The following EVC2 variants were observed in gnomAD, a reference collection of about 807,000 sequenced individuals.
The protein encoded by EVC2 is EvC ciliary complex subunit 2.
EVC2 carries 148 observed loss-of-function variants against 149.3 expected under a neutral mutation model. The observed-to-expected ratio is 0.99, with a 90% CI of 0.87 to 1.14. The LOEUF (loss-of-function observed/expected upper bound fraction) is 1.14. Ranked by LOEUF, EVC2 falls within the 50% of genes most tolerant of loss-of-function variation. EVC2 has a pLI of 0.00. For synonymous variants in EVC2, 776 were observed against 649.9 expected, an observed-to-expected ratio of 1.19 and a Z score of -2.95; for missense variants, 1,854 against 1,627.3, an observed-to-expected ratio of 1.14 and a Z score of -2.40.
At chr4:5,542,582 G>C (rs1472450551), downstream of EVC2, among the ~76,000 whole-genome samples, 1 of 152,198 alleles carries the variant, frequency 6.6e-6, no homozygotes, top group Non-Finnish European at 1.5e-5. Context: ...TCATGGAGTA[G>C]ACTGCCCAGG....
At chr4:5,678,388 G>A (rs1476261715) in intron 7 of EVC2, among the ~76,000 whole-genome samples, 1 of 152,150 alleles carries the variant, frequency 6.6e-6, no homozygotes, top group African/African-American at 2.4e-5. Flanking sequence ...GTGACTGCTG[G>A]GAGAGGACTC....
At position 5,657,120 on chromosome 4, in the gene EVC2, C is replaced by T. The variant is rs893282845; in HGVS notation, c.1145+5987G>A. 3.3e-5 allele frequency among the ~76,000 whole-genome samples: 5 copies of T among 152,152 alleles called. No individual in the cohort carries two copies. The highest frequency in any genetic ancestry group is 1.3e-4 in the Admixed American group (2 of 15,280). ...GAGACCACTGCAGGGGAAGGCACCT[C>T]GTCCAGGCAGGGAGGCCCACCAGCC... is the stretch of plus-strand genomic sequence containing the variant. On this transcript the variant is annotated intron_variant, in intron 9 of 21. Coordinates refer to ENST00000344408, the MANE Select transcript of EVC2 (RefSeq NM_147127.5). This position sits in a 1 kb window ranked among gnomAD's most constrained non-coding sequence, Gnocchi z 4.7.
At chr4:5,663,033 C>T (rs1432941347) in intron 9 of EVC2, 74 bp downstream of exon 9, 1 of 1,572,412 alleles carries the variant, frequency 6.4e-7, no homozygotes, top group Non-Finnish European at 8.7e-7. Flanking sequence ...ATATACTCAG[C>T]ATTTGGCCTT....
intron 9 of EVC2, among the ~76,000 whole-genome samples, chr4:5,643,834 G>A (rs1717517913): frequency 6.6e-6 from 1 of 152,116 alleles, no homozygotes; most frequent in Non-Finnish European, 1.5e-5. Flanking sequence ...GGCGGAGGTT[G>A]CAGTTGGCCA....
At chr4:5,587,683 TC>T (rs940261902) in intron 16 of EVC2, among the ~76,000 whole-genome samples, 1 of 152,110 alleles carries the variant, frequency 6.6e-6, no homozygotes, top group Non-Finnish European at 1.5e-5. Context: ...AGAGCTGAGC[TC>T]CCCGAGTGAG....
At chr4:5,563,838 G>A (rs1157947684) in intron 21 of EVC2, among the ~76,000 whole-genome samples, 1 of 152,076 alleles carries the variant, frequency 6.6e-6, no homozygotes, top group East Asian at 1.9e-4. Context: ...AATGAAACCT[G>A]GTTACAAGGC....
intron 21 of EVC2, 38 bp downstream of exon 21, chr4:5,565,220 C>A: frequency 1.9e-6 from 3 of 1,602,718 alleles, no homozygotes; most frequent in Non-Finnish European, 1.7e-6. Context: ...GCTTAGCTCA[C>A]CCCCTCCCCA....
Position 5,584,827 on chromosome 4 carries a change from C to T in EVC2, c.2853G>A (p.Glu951=). 1 of 1,614,206 alleles carries T rather than the reference C, an allele frequency of 6.2e-7. No homozygotes were observed. Among genetic ancestry groups the T allele is most frequent in the Non-Finnish European group, 8.5e-7 (1 of 1,180,040 alleles). The change falls in exon 17 of 22, where the codon GAG becomes GAA. Residue 951 remains glutamate (E), a synonymous_variant. Coordinates refer to ENST00000344408, the MANE Select transcript of EVC2 (RefSeq NM_147127.5). ...VEKVRGELLR[E]RVQRMEAQEG... The stretch of plus-strand genomic sequence containing the variant: ...CCTGTGCCTCCATCCGCTGCACTCT[C>T]TCCCGCAGCAATTCACCTCGAACCT...
Position 5,625,769 on chromosome 4 carries a change from T to C in EVC2, c.2026A>G (p.Arg676Gly), listed in dbSNP as rs922218808. 2 of 1,614,184 alleles carry C rather than the reference T, an allele frequency of 1.2e-6. No homozygotes were observed. The highest frequency in any genetic ancestry group is 1.7e-6 in the Non-Finnish European group (2 of 1,180,036). Reference sequence around the variant, plus strand: ...TATACCTTTTGTAGCAACTCTCGTCTTCTCTTAGTTATTAATTTTTGGTGG... The same window carrying C: ...TATACCTTTTGTAGCAACTCTCGTCCTCTCTTAGTTATTAATTTTTGGTGG... ...KLHQKLITKR[R>G]RELLQKHREQ... Residue 676 changes from arginine (R) to glycine (G), a missense_variant, in exon 13 of 22, where the codon AGA becomes GGA. Coordinates refer to ENST00000344408, the MANE Select transcript of EVC2 (RefSeq NM_147127.5). The surrounding 1 kb of genome is among the most constrained non-coding windows in gnomAD (Gnocchi z 4.0).
rs1222365273 is a variant in EVC2, at chr4:5,568,725, T to C, written c.3361-85A>G. 7 of 1,372,018 alleles carry C rather than the reference T, an allele frequency of 5.1e-6. 1 individual carries two copies. The highest frequency in any genetic ancestry group is 3.7e-5 in the South Asian group (3 of 81,024). The allele number at this position is 1,372,018 out of a possible 1,614,324, so 85.0% of individuals were successfully genotyped here. A position where few individuals can be genotyped will look rare whatever the true frequency, so the allele number is the denominator to read the frequency against. On this transcript the variant is annotated intron_variant, in intron 19 of 21. Transcript: ENST00000344408. ...TTTAATTTATCACATTCTGAGGACATTCTGTCCTGGAGTGATAAATATTTC... is the reference window on the plus strand; with the variant it reads ...TTTAATTTATCACATTCTGAGGACACTCTGTCCTGGAGTGATAAATATTTC...
intron 21 of EVC2, among the ~76,000 whole-genome samples, chr4:5,543,898 G>GAA (rs1399371367): frequency 2.0e-5 from 3 of 152,156 alleles, no homozygotes; most frequent in African/African-American, 7.2e-5. Context: ...CAGGCCTCAG[G>GAA]CCTCAGGTCT....
chr4:5,562,589 C>G lies in EVC2; in HGVS notation c.*259G>C. 1.5e-6 allele frequency: 2 copies of G among 1,365,430 alleles called. No individual in the cohort carries two copies. The highest frequency in any genetic ancestry group is 1.9e-6 in the Non-Finnish European group (2 of 1,057,474). The allele number at this position is 1,365,430 out of a possible 1,614,324, so 84.6% of individuals were successfully genotyped here. Reference sequence around the variant, plus strand: ...GGGGTGTGGATTGCAGGGTGGGGGTCTCCTCCAGGGCCCTGGGGAGGTGGG... The same window carrying G: ...GGGGTGTGGATTGCAGGGTGGGGGTGTCCTCCAGGGCCCTGGGGAGGTGGG... On this transcript the variant is annotated 3_prime_UTR_variant, in exon 22 of 22. Transcript: ENST00000344408. The surrounding 1 kb of genome is among the most constrained non-coding windows in gnomAD (Gnocchi z 4.3).
At chr4:5,707,378 C>T (rs1324612635) in intron 1 of EVC2, among the ~76,000 whole-genome samples, 1 of 152,086 alleles carries the variant, frequency 6.6e-6, no homozygotes, top group Non-Finnish European at 1.5e-5. Context: ...CGACCCACCA[C>T]CCTAGGAGAG....
chr4:5,641,924 T>G (rs1717357736), intron 9 of EVC2, among the ~76,000 whole-genome samples: 1 of 152,230 alleles, frequency 6.6e-6, no homozygotes, highest in Non-Finnish European at 1.5e-5. Flanking sequence ...TTTGTCTTAA[T>G]GCTCTTCCTC....
chr4:5,620,062 T>G (rs1481817371), intron 14 of EVC2, among the ~76,000 whole-genome samples: 2 of 152,172 alleles, frequency 1.3e-5, no homozygotes, highest in East Asian at 3.9e-4. Context: ...AATGAGACCT[T>G]CAGAGACCAC....
chr4:5,692,663 C>G (rs1356491640), intron 3 of EVC2, among the ~76,000 whole-genome samples: 1 of 150,080 alleles, frequency 6.7e-6, no homozygotes, highest in East Asian at 2.0e-4. Flanking sequence ...GTCAGGAGAT[C>G]GAGACCATCC....
chr4:5,553,393 G>A (rs1721776673), intron 21 of EVC2, among the ~76,000 whole-genome samples: 1 of 152,154 alleles, frequency 6.6e-6, no homozygotes, highest in Admixed American at 6.5e-5. Context: ...CTCCAACATT[G>A]AGGATGACAA....
intron 16 of EVC2, among the ~76,000 whole-genome samples, chr4:5,604,325 A>G (rs74363169): frequency 0.018 from 2,734 of 152,350 alleles, 72 homozygotes; most frequent in African/African-American, 0.063. Context: ...AGCAAAAAGC[A>G]GAAATAGATA....
chr4:5,577,188 T>C (rs1391184848), intron 17 of EVC2, among the ~76,000 whole-genome samples: 1 of 152,258 alleles, frequency 6.6e-6, no homozygotes, highest in African/African-American at 2.4e-5. Context: ...ATTTGTCAGA[T>C]GATGTAACTA....
Sources: allele counts gnomAD v4.1 joint callset (sites outside exome capture counted in the v4.1 genomes callset), GRCh38; gene constraint gnomAD v4.1.1; non-coding constraint Gnocchi (gnomAD v3.1); transcripts MANE v1.5; gene names NCBI Gene and HGNC (gene_info 2026-07-23, HGNC 2026-07-21).